Variants in WNT2B observed in about 807,000 individuals in gnomAD.
WNT2B encodes the protein Wnt family member 2B, also known as protein Wnt-2b.
Under a neutral mutation model 40.5 loss-of-function variants are expected in WNT2B, and 19 were observed. That is an observed-to-expected ratio of 0.47 (90% CI 0.33 to 0.69). The LOEUF (loss-of-function observed/expected upper bound fraction) is 0.69, where lower values mean the gene tolerates loss of function less well. Ranked by LOEUF, WNT2B falls within the 30% of genes least tolerant of loss-of-function variation. The pLI is 0.02. For synonymous variants in WNT2B, 220 were observed against 211.9 expected (o/e 1.04, Z -0.33); for missense variants, 467 against 556.4 (o/e 0.84, Z 1.62).
exon 1 of WNT2B, chr1:112,467,392 G>A: frequency 4.8e-6 from 3 of 621,202 alleles, no homozygotes; most frequent in Admixed American, 3.0e-5. Context: ...TAAGCTTCGA[G>A]GCCCATCACT....
intron 1 of WNT2B, among the ~76,000 whole-genome samples, chr1:112,499,341 G>A (rs1190138783): frequency 2.0e-5 from 3 of 151,744 alleles, no homozygotes; most frequent in Non-Finnish European, 2.9e-5. Flanking sequence ...ACCAAAACCA[G>A]ACAAAGACAT....
At chr1:112,490,352 A>G (rs918557764) in intron 1 of WNT2B, among the ~76,000 whole-genome samples, 1 of 152,224 alleles carries the variant, frequency 6.6e-6, no homozygotes, top group African/African-American at 2.4e-5. Context: ...CTGAGAGAGA[A>G]GCTGAGAGAA....
chr1:112,485,290 G>A (rs565171106), intron 1 of WNT2B, among the ~76,000 whole-genome samples: 22 of 152,082 alleles, frequency 1.4e-4, no homozygotes, highest in African/African-American at 4.3e-4. Flanking sequence ...TCAAAACCCC[G>A]TGTCTACTAA....
Position 112,526,258 on chromosome 1 carries a change from C to T in WNT2B, c.*5749C>T, listed in dbSNP as rs112806345. On this transcript the variant is annotated 3_prime_UTR_variant, in exon 5 of 5. Coordinates refer to ENST00000369684, the MANE Select transcript of WNT2B (RefSeq NM_024494.3). Reference sequence around the variant, plus strand: ...AATGGCTCTTTTGCCATTTCTGCCACTATTACCACCAGTACCATGTGACCA... The same window carrying T: ...AATGGCTCTTTTGCCATTTCTGCCATTATTACCACCAGTACCATGTGACCA... 0.02 allele frequency: 19,642 copies of T among 1,000,580 alleles called. 324 individuals are homozygous for T. The highest frequency in any genetic ancestry group is 0.066 in the African/African-American group (4,118 of 62,320). 62.0% of individuals were successfully genotyped at this position (1,000,580 alleles called of 1,614,324 possible).
At chr1:112,497,215 C>T (rs1651804564) in intron 1 of WNT2B, among the ~76,000 whole-genome samples, 1 of 152,128 alleles carries the variant, frequency 6.6e-6, no homozygotes, top group Admixed American at 6.5e-5. Context: ...AGGGGTGGTC[C>T]TGCCCCCACA....
intron 1 of WNT2B, among the ~76,000 whole-genome samples, chr1:112,468,690 A>G (rs899826077): frequency 1.3e-5 from 2 of 151,904 alleles, no homozygotes; most frequent in South Asian, 4.1e-4. Flanking sequence ...AGTTCCTTGT[A>G]TATTCTGGAA....
chr1:112,493,652 A>ACTAGAAAG (rs1651674772), intron 1 of WNT2B, among the ~76,000 whole-genome samples: 2 of 152,138 alleles, frequency 1.3e-5, no homozygotes, highest in African/African-American at 4.8e-5. Flanking sequence ...ACTGAAAAGC[A>ACTAGAAAG]AAGAGAAAAA....
In WNT2B at chr1:112,470,746, G is replaced by A. The variant is rs192369231; in HGVS notation, c.-95+3155G>A. On this transcript the variant is annotated intron_variant, in intron 1 of 4. Transcript: ENST00000256640. ...AGTCAGCTCTCAGGCTCACCCACTTGGGCTCCTGGTGGCAGCAACTGCTGC... is the reference window on the plus strand; with the variant it reads ...AGTCAGCTCTCAGGCTCACCCACTTAGGCTCCTGGTGGCAGCAACTGCTGC... 1.6e-3 allele frequency among the ~76,000 whole-genome samples: 243 copies of A among 152,320 alleles called. 1 individual carries two copies. Among genetic ancestry groups the A allele is most frequent in the Admixed American group, 4.8e-3 (74 of 15,302 alleles).
In WNT2B at chr1:112,475,929, A is replaced by G. The variant is rs562091509; in HGVS notation, c.-95+8338A>G. Among the ~76,000 whole-genome samples the G allele has an allele frequency of 7.9e-5, 12 of 152,312 alleles. 1 individual carries two copies. Among genetic ancestry groups the G allele is most frequent in the Admixed American group, 5.2e-4 (8 of 15,294 alleles). On this transcript the variant is annotated intron_variant, in intron 1 of 4. Transcript: ENST00000256640. Reference sequence around the variant, plus strand: ...ATATGCTGCCCACAAGAAATCCAATATAAATATAAAGACATGTATAGGGTA... The same window carrying G: ...ATATGCTGCCCACAAGAAATCCAATGTAAATATAAAGACATGTATAGGGTA...
chr1:112,494,402 TCTATCACCCAGGCTAGA>T (rs1651705226), intron 1 of WNT2B, among the ~76,000 whole-genome samples: 1 of 151,256 alleles, frequency 6.6e-6, no homozygotes. Context: ...ACGGTCTTGC[TCTATCACCCAGGCTAGA>T]GTACAGTGGC....
chr1:112,507,310 C>T (rs1271393544), upstream of WNT2B, among the ~76,000 whole-genome samples: 1 of 152,176 alleles, frequency 6.6e-6, no homozygotes, highest in Non-Finnish European at 1.5e-5. Context: ...AGGCAAACTC[C>T]ATGAGGGCAT....
chr1:112,495,429 A>C (rs1280426260), intron 1 of WNT2B, among the ~76,000 whole-genome samples: 7 of 151,844 alleles, frequency 4.6e-5, no homozygotes, highest in Admixed American at 6.6e-5. Flanking sequence ...TACAAAAAAA[A>C]CAAAAAAAAA....
rs1653118632 is a variant in WNT2B at position 112,524,506 on chromosome 1, A to AGTTCTCT, written c.*3998_*3999insTTCTCTG. The stretch of plus-strand genomic sequence containing the variant: ...GGTGCCAGACACAGAGTTCTCCGTA[A>AGTTCTCT]GCAATCCTGCAGAGCCGCCCCCTGG... On this transcript the variant is annotated 3_prime_UTR_variant, in exon 5 of 5. Transcript: ENST00000369684. 6.5e-6 allele frequency: 1 copy of AGTTCTCT among 152,746 alleles called. No individual in the cohort carries two copies. The highest frequency in any genetic ancestry group is 1.5e-5 in the Non-Finnish European group (1 of 68,192). The allele number at this position is 152,746 out of a possible 1,614,324, so 9.5% of individuals were successfully genotyped here. A position where few individuals can be genotyped will look rare whatever the true frequency, so the allele number is the denominator to read the frequency against.
At chr1:112,491,454 G>T (rs186130823) in intron 1 of WNT2B, among the ~76,000 whole-genome samples, 181 of 152,254 alleles carry the variant, frequency 1.2e-3, no homozygotes, top group African/African-American at 4.1e-3. Flanking sequence ...TTCAGAAGAG[G>T]CTAAGAACAT....
rs974579302 is a variant in WNT2B, at chr1:112,524,102, C to A, written c.*3593C>A. 5.2e-5 allele frequency: 8 copies of A among 152,580 alleles called. 1 individual carries two copies. The highest frequency in any genetic ancestry group is 6.8e-3 in the Middle Eastern group (2 of 294). The allele number at this position is 152,580 out of a possible 1,614,324, so 9.5% of individuals were successfully genotyped here. ...TCTAATTTCTGAACACTCACTGCTT[C>A]ATTTCTATTCCTCCTGTTGCAGGGA... On this transcript the variant is annotated 3_prime_UTR_variant, in exon 5 of 5. Transcript: ENST00000369684.
chr1:112,499,292 A>G (rs745404300), intron 1 of WNT2B, among the ~76,000 whole-genome samples: 9 of 152,170 alleles, frequency 5.9e-5, no homozygotes, highest in Non-Finnish European at 1.2e-4. Flanking sequence ...CAGAGGACAT[A>G]CTTCCTAACT....
chr1:112,519,439 C>A (rs1380448263), intron 4 of WNT2B, among the ~76,000 whole-genome samples: 1 of 152,100 alleles, frequency 6.6e-6, no homozygotes, highest in East Asian at 1.9e-4. Context: ...TTCTTATTAA[C>A]CATGGAAAAG....
chr1:112,519,379 T>C (rs1652733108), intron 4 of WNT2B, among the ~76,000 whole-genome samples: 1 of 152,234 alleles, frequency 6.6e-6, no homozygotes. Flanking sequence ...AGAAATCAGT[T>C]AATCTATTCT....
chr1:112,471,326 C>A (rs1490592159), intron 1 of WNT2B, among the ~76,000 whole-genome samples: 1 of 152,178 alleles, frequency 6.6e-6, no homozygotes, highest in Non-Finnish European at 1.5e-5. Flanking sequence ...CAGCAGTCTG[C>A]AGCAGGGATG....
Sources: gnomAD v4.1 joint callset for allele counts (sites outside exome capture counted in the v4.1 genomes callset) on GRCh38, gnomAD v4.1.1 for gene constraint, MANE v1.5 for transcripts, NCBI Gene and HGNC (gene_info 2026-07-23, HGNC 2026-07-21) for gene names.